Variants in PLXDC2 observed in about 807,000 individuals in gnomAD.
PLXDC2 encodes plexin domain-containing protein 2.
A neutral mutation model predicts 68.9 loss-of-function variants in PLXDC2; 40 were observed. The observed-to-expected ratio is 0.58, with a 90% CI of 0.45 to 0.76. The LOEUF is 0.76. PLXDC2 is among the 30% of genes least tolerant of loss of function. The pLI is 0.00. For synonymous variants in PLXDC2, 243 were observed against 234.2 expected, an observed-to-expected ratio of 1.04 and a Z score of -0.34; for missense variants, 644 against 661.9, an observed-to-expected ratio of 0.97 and a Z score of 0.30.
At chr10:20,222,561 G>A (rs1319527789) in intron 12 of PLXDC2, among the ~76,000 whole-genome samples, 4 of 152,144 alleles carry the variant, frequency 2.6e-5, no homozygotes, top group Non-Finnish European at 4.4e-5. Flanking sequence ...GAAATTCTAA[G>A]CTCTCTAAAT....
At chr10:19,871,590 A>T (rs956680682) in intron 1 of PLXDC2, among the ~76,000 whole-genome samples, 1 of 152,078 alleles carries the variant, frequency 6.6e-6, no homozygotes, top group Non-Finnish European at 1.5e-5. Context: ...CCTCTAGTGT[A>T]TCATAGAAAT....
chr10:20,233,794 A>T (rs957558333), intron 12 of PLXDC2, among the ~76,000 whole-genome samples: 1 of 152,062 alleles, frequency 6.6e-6, no homozygotes. Context: ...AGCAGCACCA[A>T]CTTTGCCTAA....
intron 1 of PLXDC2, among the ~76,000 whole-genome samples, chr10:19,864,217 G>T (rs185797288): frequency 6.6e-6 from 1 of 152,056 alleles, no homozygotes; most frequent in Non-Finnish European, 1.5e-5. Context: ...TGTCATCCAG[G>T]CTGATCTGGA....
At position 20,182,296 on chromosome 10, in the gene PLXDC2, A is replaced by G. The variant is rs145723879; in HGVS notation, c.1061+4887A>G. 9.8e-4 allele frequency among the ~76,000 whole-genome samples: 146 copies of G among 149,366 alleles called. 2 individuals are homozygous for G. The East Asian group carries it at 0.023, about 24-fold the overall frequency. ...TGTAGCAACCATTGATCTTCTTCCT[A>G]TCATCATACATTTATTCTGCCCAAT... On this transcript the variant is annotated intron_variant, in intron 9 of 13. Transcript: ENST00000377252.
intron 2 of PLXDC2, among the ~76,000 whole-genome samples, chr10:20,044,205 C>CTG (rs1835740701): frequency 1.2e-4 from 13 of 105,062 alleles, no homozygotes; most frequent in Middle Eastern, 4.3e-3. Context: ...CTCTCTCTCT[C>CTG]TCTCTGTCTT....
chr10:20,170,674 G>A (rs568189887), intron 7 of PLXDC2, among the ~76,000 whole-genome samples: 44 of 152,006 alleles, frequency 2.9e-4, no homozygotes, highest in Middle Eastern at 3.4e-3. Context: ...AATCTGAATC[G>A]TATAGTGTGA....
intron 13 of PLXDC2, among the ~76,000 whole-genome samples, chr10:20,272,000 CG>C (rs1012708372): frequency 2.0e-5 from 3 of 152,076 alleles, no homozygotes; most frequent in African/African-American, 7.2e-5. Flanking sequence ...CTAATTTTAT[CG>C]GATGACTGAA....
intron 1 of PLXDC2, among the ~76,000 whole-genome samples, chr10:19,838,976 A>G (rs184895809): frequency 6.6e-6 from 1 of 152,234 alleles, no homozygotes; most frequent in Admixed American, 6.5e-5. Context: ...ACCTAAGGCC[A>G]GGAGTTCAAG....
At chr10:19,819,991 CTT>C (rs1273887511) in intron 1 of PLXDC2, among the ~76,000 whole-genome samples, 1 of 152,194 alleles carries the variant, frequency 6.6e-6, no homozygotes, top group Non-Finnish European at 1.5e-5. Context: ...CAATCAATGA[CTT>C]GAGGCTACCT....
chr10:20,092,229 G>A (rs1833289068), intron 4 of PLXDC2, among the ~76,000 whole-genome samples: 2 of 152,084 alleles, frequency 1.3e-5, no homozygotes, highest in Non-Finnish European at 2.9e-5. Context: ...TTAAATTAAA[G>A]CTTAAACTGA....
At chr10:20,060,130 T>C (rs931689053) in intron 3 of PLXDC2, among the ~76,000 whole-genome samples, 7 of 152,152 alleles carry the variant, frequency 4.6e-5, no homozygotes, top group Non-Finnish European at 1.0e-4. Flanking sequence ...TCTCCTAGGC[T>C]CAAGCAATCC....
chr10:20,086,306 C>T (rs57824448), intron 4 of PLXDC2, among the ~76,000 whole-genome samples: 2 of 151,848 alleles, frequency 1.3e-5, no homozygotes, highest in Non-Finnish European at 2.9e-5. Context: ...ACTTTAGGCA[C>T]AAGCCAGCAC....
At chr10:20,040,604 G>C (rs560173862) in intron 2 of PLXDC2, among the ~76,000 whole-genome samples, 1 of 152,162 alleles carries the variant, frequency 6.6e-6, no homozygotes. Context: ...ACTGTAGCTT[G>C]CAGGAGCTGC....
intron 1 of PLXDC2, among the ~76,000 whole-genome samples, chr10:19,821,793 A>C (rs191310266): frequency 3.9e-5 from 6 of 152,198 alleles, no homozygotes; most frequent in Non-Finnish European, 5.9e-5. Flanking sequence ...CTGCTAAACT[A>C]TCCTTCTACT....
intron 7 of PLXDC2, among the ~76,000 whole-genome samples, chr10:20,170,468 G>A (rs903996161): frequency 1.3e-5 from 2 of 152,196 alleles, no homozygotes; most frequent in Admixed American, 6.5e-5. Context: ...AGGATTACTG[G>A]TGTGAGCCAC....
intron 1 of PLXDC2, among the ~76,000 whole-genome samples, chr10:19,966,538 C>G (rs898443446): frequency 2.4e-4 from 37 of 151,356 alleles, no homozygotes; most frequent in African/African-American, 8.5e-4. Flanking sequence ...ATTTGGGTCA[C>G]ATTTTTAAAT....
At position 20,044,931 on chromosome 10, in the gene PLXDC2, G is replaced by A. The variant is rs549299681; in HGVS notation, c.325-1938G>A. On this transcript the variant is annotated intron_variant, in intron 2 of 13. Transcript: ENST00000377252. ...TACACAGATGAGTAGTATACATACCGCGGACACATTCACAGTGTGTTTTAC... is the reference window on the plus strand; with the variant it reads ...TACACAGATGAGTAGTATACATACCACGGACACATTCACAGTGTGTTTTAC... 2.6e-5 allele frequency among the ~76,000 whole-genome samples: 4 copies of A among 152,170 alleles called. 1 individual carries two copies. Among genetic ancestry groups the A allele is most frequent in the South Asian group, 4.2e-4 (2 of 4,818 alleles).
intron 6 of PLXDC2, among the ~76,000 whole-genome samples, chr10:20,155,634 C>T (rs1295100517): frequency 6.6e-6 from 1 of 152,106 alleles, no homozygotes; most frequent in African/African-American, 2.4e-5. Context: ...AAAATTTTAT[C>T]TACACAGCTT....
intron 1 of PLXDC2, among the ~76,000 whole-genome samples, chr10:19,934,981 C>T (rs887117149): frequency 6.6e-6 from 1 of 152,154 alleles, no homozygotes; most frequent in Non-Finnish European, 1.5e-5. Context: ...GCATCAATGC[C>T]GGCCTTGATA....
Sources: allele counts gnomAD v4.1 joint callset (sites outside exome capture counted in the v4.1 genomes callset), GRCh38; gene constraint gnomAD v4.1.1; transcripts MANE v1.5; gene names NCBI Gene and HGNC (gene_info 2026-07-23, HGNC 2026-07-21).